ANKRD26: variants seen among roughly 807,000 people sequenced by gnomAD.
ANKRD26 encodes ankyrin repeat domain-containing protein 26.
ANKRD26 carries 141 observed loss-of-function variants against 208.7 expected under a neutral mutation model. That is an observed-to-expected ratio of 0.68 (90% CI 0.59 to 0.78). The LOEUF (loss-of-function observed/expected upper bound fraction) is 0.78, where lower values mean the gene tolerates loss of function less well. Among genes scored for constraint, ANKRD26 ranks in the 30% least tolerant of loss-of-function variants. ANKRD26 has a pLI of 0.00. For synonymous variants in ANKRD26, 636 were observed against 660.4 expected (o/e 0.96, Z 0.57); for missense variants, 1,889 against 1,938.7 (o/e 0.97, Z 0.48).
chr10:27,099,398 C>T (rs1429044589), intron 1 of ANKRD26, among the ~76,000 whole-genome samples: 1 of 152,172 alleles, frequency 6.6e-6, no homozygotes, highest in Non-Finnish European at 1.5e-5. Flanking sequence ...CTGAGAAAAA[C>T]AAATTACTTG....
intron 32 of ANKRD26, among the ~76,000 whole-genome samples, chr10:27,009,500 T>A (rs1401490450): frequency 3.9e-5 from 6 of 152,144 alleles, no homozygotes; most frequent in Admixed American, 1.3e-4. Flanking sequence ...TTAAATAACT[T>A]AACACAGTGC....
At chr10:27,055,789 A>G (rs2054818574) in intron 15 of ANKRD26, among the ~76,000 whole-genome samples, 1 of 152,202 alleles carries the variant, frequency 6.6e-6, no homozygotes, top group Non-Finnish European at 1.5e-5. Flanking sequence ...CCACTCTATA[A>G]TATCTAAAGC....
At chr10:27,023,436 GAAGAA>G (rs2053556605) in intron 28 of ANKRD26, among the ~76,000 whole-genome samples, 2 of 146,500 alleles carry the variant, frequency 1.4e-5, no homozygotes, top group Admixed American at 6.8e-5. Flanking sequence ...CTGTTTATAA[GAAGAA>G]AAGTACAAAA....
Position 27,046,537 on chromosome 10 carries a change from A to T in ANKRD26, c.1815-14T>A, listed in dbSNP as rs768978009. The stretch of plus-strand genomic sequence containing the variant: ...GCAGGACCACTACTTTAAAAAATCC[A>T]TGGGAAATGACAGTTACATAAGAAA... On this transcript the variant is annotated splice_polypyrimidine_tract_variant and intron_variant, in intron 17 of 33. Transcript: ENST00000376087. 12 of 1,613,160 alleles carry T rather than the reference A, an allele frequency of 7.4e-6. No individual in the cohort carries two copies. In the African/African-American group the frequency reaches 9.3e-5, roughly 13 times the overall value.
chr10:26,951,254 T>C, the ANKRD26 span, among the ~76,000 whole-genome samples: 3 of 152,072 alleles, frequency 2.0e-5, no homozygotes, highest in Non-Finnish European at 4.4e-5. Context: ...TTGTGATTTG[T>C]GGACTGAAGA....
intron 9 of ANKRD26, among the ~76,000 whole-genome samples, chr10:27,071,852 G>A (rs1477610225): frequency 6.6e-6 from 1 of 152,128 alleles, no homozygotes; most frequent in African/African-American, 2.4e-5. Flanking sequence ...AGTGAGCAGT[G>A]GGGGCACACA....
At chr10:27,053,895 G>C (rs1280671232) in intron 15 of ANKRD26, among the ~76,000 whole-genome samples, 1 of 152,186 alleles carries the variant, frequency 6.6e-6, no homozygotes, top group Non-Finnish European at 1.5e-5. Context: ...AAGGCACAAA[G>C]AGTGTTTTTC....
rs551374952 is a variant in ANKRD26, at chr10:27,097,353, C to A, written c.242+2732G>T. ...AAAAAAATTAGCTGTCCCAGCTACT[C>A]AGGAGACTGAGGCAGGAGAATCGCT... On this transcript the variant is annotated intron_variant, in intron 1 of 33. Transcript: ENST00000376087. 3.9e-3 allele frequency among the ~76,000 whole-genome samples: 591 copies of A among 150,438 alleles called. 4 individuals are homozygous for A. Among genetic ancestry groups the A allele is most frequent in the Middle Eastern group, 7.1e-3 (2 of 282 alleles).
chr10:27,088,647 G>T (rs374102758), intron 4 of ANKRD26, among the ~76,000 whole-genome samples: 1 of 152,100 alleles, frequency 6.6e-6, no homozygotes, highest in Non-Finnish European at 1.5e-5. Context: ...CAAGTTGGTG[G>T]CCACTACTCC....
chr10:27,048,061 C>G (rs1350170352), intron 17 of ANKRD26, among the ~76,000 whole-genome samples: 1 of 151,964 alleles, frequency 6.6e-6, no homozygotes, highest in African/African-American at 2.4e-5. Context: ...TTTTTACGGT[C>G]TAAAAACATG....
chr10:27,039,116 T>G (rs2054142367), intron 21 of ANKRD26, among the ~76,000 whole-genome samples: 1 of 152,202 alleles, frequency 6.6e-6, no homozygotes, highest in Non-Finnish European at 1.5e-5. Flanking sequence ...CAGTAATCAC[T>G]CACCATTTTA....
the ANKRD26 span, among the ~76,000 whole-genome samples, chr10:26,963,902 G>GTTTTTTTTTTTT: frequency 1.8e-4 from 12 of 66,974 alleles, 1 homozygote; most frequent in Admixed American, 2.8e-4. Flanking sequence ...ATGGTTGGTT[G>GTTTTTTTTTTTT]GTTTTTTTTT....
intron 4 of ANKRD26, chr10:27,088,416 T>C (rs1347713089): frequency 6.6e-6 from 1 of 152,186 alleles, no homozygotes; most frequent in African/African-American, 2.4e-5. Context: ...TATGTGCTGC[T>C]GAAGCAAGCA....
At position 27,005,522 on chromosome 10, in the gene ANKRD26, T is replaced by C. The variant is rs200859644; in HGVS notation, c.*68A>G. ...AATACGTTCCTTTAATATTTTTACA[T>C]GTCATATATTAATATTTAATGAGAA... On this transcript the variant is annotated 3_prime_UTR_variant, in exon 34 of 34. Coordinates refer to ENST00000376087, the MANE Select transcript of ANKRD26 (RefSeq NM_014915.3). The C allele has an allele frequency of 1.5e-5, 19 of 1,290,198 alleles. No individual in the cohort carries two copies. The highest frequency in any genetic ancestry group is 4.7e-4 in the Middle Eastern group (2 of 4,262). The allele number at this position is 1,290,198 out of a possible 1,614,324, so 79.9% of individuals were successfully genotyped here.
At chr10:26,992,499 C>CAGAG (rs2052506873) in intron 5 of ANKRD26, among the ~76,000 whole-genome samples, 1 of 150,360 alleles carries the variant, frequency 6.7e-6, no homozygotes, top group African/African-American at 2.5e-5. Flanking sequence ...CACACACACA[C>CAGAG]ACACACACAG....
In ANKRD26 at chr10:27,046,474, T is replaced by C. The variant is rs777416786; in HGVS notation, c.1864A>G (p.Lys622Glu). 1.2e-6 allele frequency: 2 copies of C among 1,614,142 alleles called. No individual in the cohort carries two copies. Among genetic ancestry groups the C allele is most frequent in the Non-Finnish European group, 1.7e-6 (2 of 1,180,028 alleles). Residue 622 changes from lysine to glutamate, a missense_variant, in exon 18 of 34, where the codon AAA becomes GAA. Around this residue, in one of 3 missense-constraint regions of ANKRD26, gnomAD observed 1,272 missense variants for 1,273.8 expected, o/e 1.00. Transcript: ENST00000376087. Reference protein sequence around the residue: ...MKEVKSTEKEKRTSKESVNSP... With the variant: ...MKEVKSTEKEERTSKESVNSP... ...TTCACAGATTCTTTCGAGGTCCGTT[T>C]TTCTTTTTCAGTGCTCTTTACTTCC...
chr10:27,023,979 T>TACACACACAC lies in ANKRD26; in HGVS notation c.4085+458_4085+467dup, dbSNP rs59987738. ...AAATTTTCATGATATATTTTATTAC[T>TACACACACAC]ACACACACACACACACACACACACA... is the stretch of plus-strand genomic sequence containing the variant. On this transcript the variant is annotated intron_variant, in intron 28 of 33. Transcript: ENST00000376087. 2.7e-3 allele frequency among the ~76,000 whole-genome samples: 391 copies of TACACACACAC among 142,246 alleles called. 5 individuals carry two copies. Among genetic ancestry groups the TACACACACAC allele is most frequent in the South Asian group, 0.013 (56 of 4,264 alleles). 93.3% of individuals were successfully genotyped at this position (142,246 alleles called of 152,430 possible).
intron 29 of ANKRD26, among the ~76,000 whole-genome samples, chr10:27,019,584 T>A (rs531760278): frequency 1.3e-5 from 2 of 152,154 alleles, no homozygotes; most frequent in African/African-American, 2.4e-5. Flanking sequence ...TTTATTAAAG[T>A]CTTCTTGAGA....
At chr10:27,027,724 T>C (rs952303618) in intron 27 of ANKRD26, among the ~76,000 whole-genome samples, 1 of 152,194 alleles carries the variant, frequency 6.6e-6, no homozygotes, top group Non-Finnish European at 1.5e-5. Flanking sequence ...TTTCATATTA[T>C]CTAAAATATT....
Sources: allele counts gnomAD v4.1 joint callset (sites outside exome capture counted in the v4.1 genomes callset), GRCh38; gene constraint gnomAD v4.1.1; regional missense constraint gnomAD v4.1.1; transcripts MANE v1.5; gene names NCBI Gene and HGNC (gene_info 2026-07-23, HGNC 2026-07-21).